RFX2: variants seen among roughly 807,000 people sequenced by gnomAD.
The protein encoded by RFX2 is DNA-binding protein RFX2.
A neutral mutation model predicts 87.8 loss-of-function variants in RFX2; 20 were observed. That is an observed-to-expected ratio of 0.23 (90% CI 0.16 to 0.33). The LOEUF (loss-of-function observed/expected upper bound fraction) is 0.33, where lower values mean the gene tolerates loss of function less well. Among genes scored for constraint, RFX2 ranks in the 10% least tolerant of loss-of-function variants. The pLI is 1.00. For missense variants in RFX2, 767 were observed against 1,012.3 expected (o/e 0.76, Z 3.29); for synonymous variants, 397 against 431.3 (o/e 0.92, Z 0.98).
intron 3 of RFX2, among the ~76,000 whole-genome samples, chr19:6,043,632 G>A (rs533635343): frequency 1.2e-4 from 18 of 152,370 alleles, no homozygotes; most frequent in African/African-American, 4.1e-4. Flanking sequence ...TGGCAGAATT[G>A]AGTGGTTGTT....
chr19:6,058,092 T>C (rs2087371403), intron 1 of RFX2, among the ~76,000 whole-genome samples: 1 of 152,060 alleles, frequency 6.6e-6, no homozygotes, highest in African/African-American at 2.4e-5. Context: ...GTGCCAAGAG[T>C]TATTACTCTG....
Position 6,016,206 on chromosome 19 carries a change from G to A in RFX2, c.663C>T (p.Tyr221=), listed in dbSNP as rs1052257043. The part of the protein sequence containing the change: ...EGVSLPRSSL[Y]NHYLRHCQEH... ...CCTGGCAGTGCCGAAGGTAGTGGTT[G>A]TAAAGAGAACTTCTGGGGAGACTCA... The change falls in exon 7 of 18, where the codon TAC becomes TAT. Residue 221 remains tyrosine, a synonymous_variant. Transcript: ENST00000303657. The surrounding 1 kb of genome is among the most constrained non-coding windows in gnomAD (Gnocchi z 5.4). The A allele has an allele frequency of 5.0e-6, 8 of 1,613,936 alleles. No individual in the cohort carries two copies. Among genetic ancestry groups the A allele is most frequent in the South Asian group, 4.4e-5 (4 of 91,084 alleles).
At chr19:6,105,748 A>G (rs2088206799) in intron 1 of RFX2, among the ~76,000 whole-genome samples, 1 of 152,246 alleles carries the variant, frequency 6.6e-6, no homozygotes, top group South Asian at 2.1e-4. Flanking sequence ...GGTGGAGTCA[A>G]CAGGATTTGC....
At chr19:6,000,136 C>G (rs1038897890) in intron 15 of RFX2, among the ~76,000 whole-genome samples, 5 of 152,238 alleles carry the variant, frequency 3.3e-5, no homozygotes, top group East Asian at 1.9e-4. Flanking sequence ...AGGTGCCCAC[C>G]ACCACGCCTG....
At chr19:6,090,776 G>A (rs2087922705) in intron 1 of RFX2, among the ~76,000 whole-genome samples, 1 of 152,150 alleles carries the variant, frequency 6.6e-6, no homozygotes, top group African/African-American at 2.4e-5. Flanking sequence ...GCCCATCAAG[G>A]GATGAATGCA....
intron 6 of RFX2, among the ~76,000 whole-genome samples, chr19:6,025,577 A>G (rs1172714993): frequency 6.6e-6 from 1 of 151,968 alleles, no homozygotes; most frequent in East Asian, 1.9e-4. Flanking sequence ...TGTTGAAAGT[A>G]TTTTACGTAC....
Position 6,045,734 on chromosome 19 carries a change from C to A in RFX2, c.91-1452G>T, listed in dbSNP as rs768279852. Reference sequence around the variant, plus strand: ...TCGCCCAGGCTGAAGTGCGATGGCACGATCTCGGCTCACTATAACCTCTGC... The same window carrying A: ...TCGCCCAGGCTGAAGTGCGATGGCAAGATCTCGGCTCACTATAACCTCTGC... On this transcript the variant is annotated intron_variant, in intron 2 of 17. Coordinates refer to ENST00000303657, the MANE Select transcript of RFX2 (RefSeq NM_000635.4). The surrounding 1 kb of genome is among the most constrained non-coding windows in gnomAD (Gnocchi z 5.2). Among the ~76,000 whole-genome samples, 2 of 152,076 alleles carry A rather than the reference C, an allele frequency of 1.3e-5. No homozygotes were observed. The highest frequency in any genetic ancestry group is 2.9e-5 in the Non-Finnish European group (2 of 68,034).
At position 6,061,344 on chromosome 19, in the gene RFX2, A is replaced by T. The variant is rs2144809343; in HGVS notation, c.-8-13840T>A. 6.6e-6 allele frequency among the ~76,000 whole-genome samples: 1 copy of T among 152,304 alleles called. No individual in the cohort carries two copies. Among genetic ancestry groups the T allele is most frequent in the Middle Eastern group, 3.4e-3 (1 of 294 alleles). On this transcript the variant is annotated intron_variant, in intron 1 of 17. Coordinates refer to ENST00000303657, the MANE Select transcript of RFX2 (RefSeq NM_000635.4). The surrounding 1 kb of genome is among the most constrained non-coding windows in gnomAD (Gnocchi z 5.2). ...CCTCCCAAGAATTTTCACCGCATAG[A>T]CAGTGTGTGTGCTAAATCAAGGGAT...
rs1459743636 is a variant in RFX2, at chr19:6,110,068, GCCC to G, written c.-9+322_-9+324del. Among the ~76,000 whole-genome samples, 6 of 152,106 alleles carry G rather than the reference GCCC, an allele frequency of 3.9e-5. No homozygotes were observed. The highest frequency in any genetic ancestry group is 1.2e-4 in the African/African-American group (5 of 41,432). On this transcript the variant is annotated intron_variant, in intron 1 of 17. Transcript: ENST00000303657. The surrounding 1 kb of genome is among the most constrained non-coding windows in gnomAD (Gnocchi z 4.3). ...GGAGTTTGAGAGACGTTCCCGGGGC[GCCC>G]CCAACTCAGCGAGTTTGAAGGTAAG... is the stretch of plus-strand genomic sequence containing the variant.
At chr19:6,034,825 G>C (rs2086999660) in intron 5 of RFX2, among the ~76,000 whole-genome samples, 1 of 152,192 alleles carries the variant, frequency 6.6e-6, no homozygotes, top group Non-Finnish European at 1.5e-5. Flanking sequence ...ACCTTTTCTA[G>C]TTCTGAGGGC....
In RFX2 at chr19:6,042,135, G is replaced by T. The variant is rs776807336; in HGVS notation, c.181-12C>A. On this transcript the variant is annotated splice_polypyrimidine_tract_variant and intron_variant, in intron 3 of 17. Transcript: ENST00000303657. ...TGCACCGGCTGCACCTGAAACATCG[G>T]ATACGCTGCGTTACCGCCAGTCACG... The T allele has an allele frequency of 1.9e-6, 3 of 1,612,896 alleles. No homozygotes were observed. The South Asian group carries it at 3.3e-5, about 18-fold the overall frequency.
At chr19:6,046,605 CTTTTTTTTTTT>C (rs55854937) in intron 2 of RFX2, among the ~76,000 whole-genome samples, 1,684 of 90,604 alleles carry the variant, frequency 0.019, 36 homozygotes, top group African/African-American at 0.062. Flanking sequence ...GCCTTTTTGC[CTTTTTTTTTTT>C]TTTTTTTTTT....
intron 15 of RFX2, among the ~76,000 whole-genome samples, chr19:6,000,142 G>A (rs900315601): frequency 5.9e-5 from 9 of 152,012 alleles, no homozygotes; most frequent in East Asian, 3.9e-4. Context: ...CCACCACCAC[G>A]CCTGACTAAT....
intron 9 of RFX2, 145 bp from the exon 10 acceptor site, chr19:6,008,369 CTTTTTCT>C: frequency 8.3e-5 from 39 of 469,210 alleles, no homozygotes; most frequent in Middle Eastern, 1.1e-3. Context: ...CTTTCTTTTT[CTTTTTCT>C]TTTTTTTTTT....
intron 1 of RFX2, among the ~76,000 whole-genome samples, chr19:6,052,983 T>C (rs999870837): frequency 1.3e-5 from 2 of 152,130 alleles, no homozygotes; most frequent in East Asian, 3.8e-4. Flanking sequence ...CTTTATATGC[T>C]TATGTTAGAA....
rs1184086309 is a variant in RFX2 at position 6,056,261 on chromosome 19, A to T, written c.-8-8757T>A. On this transcript the variant is annotated intron_variant, in intron 1 of 17. Coordinates refer to ENST00000303657, the MANE Select transcript of RFX2 (RefSeq NM_000635.4). The surrounding 1 kb of genome is among the most constrained non-coding windows in gnomAD (Gnocchi z 4.6). The stretch of plus-strand genomic sequence containing the variant: ...TGGGTACAGGTATCCAGGTGTTATA[A>T]GAATGGCAGGACCCTGACACCCTGT... 6.6e-6 allele frequency among the ~76,000 whole-genome samples: 1 copy of T among 152,236 alleles called. No individual in the cohort carries two copies. Among genetic ancestry groups the T allele is most frequent in the East Asian group, 1.9e-4 (1 of 5,206 alleles).
In RFX2 at chr19:6,074,606, T is replaced by G. The variant is rs937835811; in HGVS notation, c.-8-27102A>C. Among the ~76,000 whole-genome samples the G allele has an allele frequency of 3.3e-5, 5 of 152,094 alleles. No homozygotes were observed. Among genetic ancestry groups the G allele is most frequent in the African/African-American group, 1.2e-4 (5 of 41,412 alleles). On this transcript the variant is annotated intron_variant, in intron 1 of 17. Transcript: ENST00000303657. This position sits in a 1 kb window ranked among gnomAD's most constrained non-coding sequence, Gnocchi z 5.2. ...TCCCTGACCATGTGGGGCTGACCCC[T>G]CAGGGAGAGACAGACGACACCATGG...
In RFX2 at chr19:6,024,483, ACAATCGG is replaced by A. The variant is rs952293493; in HGVS notation, c.597+1673_597+1679del. On this transcript the variant is annotated intron_variant, in intron 6 of 17. Coordinates refer to ENST00000303657, the MANE Select transcript of RFX2 (RefSeq NM_000635.4). The surrounding 1 kb of genome is among the most constrained non-coding windows in gnomAD (Gnocchi z 5.0). Reference sequence around the variant, plus strand: ...TTTGTTTTGTCTTTTTTGCTTCAAGACAATCGGCAGAAGGAAATATTTCTGCCATTTC... The same window carrying A: ...TTTGTTTTGTCTTTTTTGCTTCAAGACAGAAGGAAATATTTCTGCCATTTC... Among the ~76,000 whole-genome samples, 1 of 152,142 alleles carries A rather than the reference ACAATCGG, an allele frequency of 6.6e-6. No individual in the cohort carries two copies. Among genetic ancestry groups the A allele is most frequent in the African/African-American group, 2.4e-5 (1 of 41,424 alleles).
rs375958267 is a variant in RFX2 at position 6,002,794 on chromosome 19, G to A, written c.1577C>T (p.Ala526Val). ...GATCTGGGACGTGTTCTGCAGCACC[G>A]CCCGGGCCGCCTGCGCCAGGTGGTT... ...SLNHLAQAAR[A>V]VLQNTSQINQ... is the part of the protein sequence containing the mutation. Residue 526 changes from alanine to valine, a missense_variant, in exon 14 of 18, where the codon GCG (alanine) becomes GTG (valine). By Grantham distance (64) the Ala-to-Val change is moderately conservative. Transcript: ENST00000303657. The surrounding 1 kb of genome is among the most constrained non-coding windows in gnomAD (Gnocchi z 6.7). 29 of 1,613,656 alleles carry A rather than the reference G, an allele frequency of 1.8e-5. No homozygotes were observed. The highest frequency in any genetic ancestry group is 2.2e-5 in the East Asian group (1 of 44,892).
Sources: allele counts gnomAD v4.1 joint callset (sites outside exome capture counted in the v4.1 genomes callset), GRCh38; gene constraint gnomAD v4.1.1; non-coding constraint Gnocchi (gnomAD v3.1); transcripts MANE v1.5; gene names NCBI Gene and HGNC (gene_info 2026-07-23, HGNC 2026-07-21).